CEP170: variants seen among roughly 807,000 people sequenced by gnomAD.
CEP170 encodes centrosomal protein 170.
Under a neutral mutation model 151.9 loss-of-function variants are expected in CEP170, and 21 were observed. The ratio of observed to expected loss-of-function variants is 0.14; its 90% confidence interval spans 0.10 to 0.20. The LOEUF (loss-of-function observed/expected upper bound fraction) is 0.20, where lower values mean the gene tolerates loss of function less well. CEP170 is among the 10% of genes least tolerant of loss of function. The pLI, the probability that CEP170 is intolerant of heterozygous loss-of-function variation, is 1.00. For missense variants in CEP170, 964 were observed against 1,892.9 expected (o/e 0.51, Z 9.11); for synonymous variants, 356 against 648.8 (o/e 0.55, Z 6.86).
chr1:243,128,984 C>A (rs1482689495), intron 18 of CEP170: 1 of 154,712 alleles, frequency 6.5e-6, no homozygotes, highest in Non-Finnish European at 1.4e-5. Context: ...ATATTCTGAG[C>A]AATGAAAATC....
chr1:243,191,281 A>G lies in CEP170; in HGVS notation c.845T>C (p.Ile282Thr). 6.2e-7 allele frequency: 1 copy of G among 1,612,414 alleles called. No individual in the cohort carries two copies. Among genetic ancestry groups the G allele is most frequent in the Non-Finnish European group, 8.5e-7 (1 of 1,179,270 alleles). Residue 282 changes from isoleucine to threonine, a missense_variant, in exon 8 of 20, where the codon ATT (isoleucine) becomes ACT (threonine). Ile to Thr is a moderately conservative substitution (Grantham distance 89). Transcript: ENST00000366542. ...ITGAGHASFT[I>T]EFDDSTPGKV... Reference sequence around the variant, plus strand: ...CCCTGGGGTACTGTCATCAAATTCAATGGTAAATGAAGCATGCCCTGCACC... The same window carrying G: ...CCCTGGGGTACTGTCATCAAATTCAGTGGTAAATGAAGCATGCCCTGCACC...
Position 243,174,955 on chromosome 1 carries a change from T to G in CEP170, c.1567-2109A>C, listed in dbSNP as rs535002404. On this transcript the variant is annotated intron_variant, in intron 10 of 19. Coordinates refer to ENST00000366542, the MANE Select transcript of CEP170 (RefSeq NM_014812.3). ...TCCAATTTTACTGAAGTTTATTTAC[T>G]TATTTTATAATTACTAACAAAAATC... The G allele has an allele frequency of 3.9e-5, 6 of 152,350 alleles. No homozygotes were observed. In the East Asian group the frequency reaches 1.2e-3, roughly 29 times the overall value. 9.4% of individuals were successfully genotyped at this position (152,350 alleles called of 1,614,324 possible). A position where few individuals can be genotyped will look rare whatever the true frequency, so the allele number is the denominator to read the frequency against.
At chr1:243,179,704 G>T (rs1359608153) in intron 10 of CEP170, among the ~76,000 whole-genome samples, 2 of 152,138 alleles carry the variant, frequency 1.3e-5, no homozygotes, top group Non-Finnish European at 2.9e-5. Flanking sequence ...GAAAAAGCAG[G>T]TCACAAATTT....
intron 7 of CEP170, among the ~76,000 whole-genome samples, chr1:243,192,240 T>G (rs2060350061): frequency 6.6e-6 from 1 of 152,068 alleles, no homozygotes; most frequent in Admixed American, 6.6e-5. Context: ...CAGCAGAATA[T>G]GCAAAAGTGT....
intron 4 of CEP170, among the ~76,000 whole-genome samples, chr1:243,202,189 A>G (rs2061088238): frequency 1.3e-5 from 2 of 152,200 alleles, no homozygotes; most frequent in South Asian, 4.1e-4. Flanking sequence ...TAAGTAAAGT[A>G]ACTCAGGAAT....
intron 10 of CEP170, among the ~76,000 whole-genome samples, chr1:243,183,472 T>C (rs2059759330): frequency 6.6e-6 from 1 of 152,146 alleles, no homozygotes. Context: ...TCTGCCTTCC[T>C]TCTGGCTGTT....
At chr1:243,203,590 CA>C (rs2061203465) in intron 4 of CEP170, among the ~76,000 whole-genome samples, 2 of 152,032 alleles carry the variant, frequency 1.3e-5, no homozygotes, top group Admixed American at 1.3e-4. Context: ...TTTCAAAAAT[CA>C]TGTCAGATAA....
At chr1:243,196,168 A>C (rs2060633453) in intron 7 of CEP170, among the ~76,000 whole-genome samples, 1 of 152,022 alleles carries the variant, frequency 6.6e-6, no homozygotes, top group Non-Finnish European at 1.5e-5. Flanking sequence ...TATTTGTTTA[A>C]ATCTTTGTAC....
chr1:243,172,512 A>G (rs1294471960), intron 11 of CEP170, among the ~76,000 whole-genome samples, 185 bp downstream of exon 11: 2 of 152,198 alleles, frequency 1.3e-5, no homozygotes, highest in Non-Finnish European at 2.9e-5. Flanking sequence ...CACGCCTGTA[A>G]TCACAGCTAC....
intron 3 of CEP170, among the ~76,000 whole-genome samples, chr1:243,216,285 C>A (rs1198251307): frequency 6.6e-6 from 1 of 152,000 alleles, no homozygotes; most frequent in Non-Finnish European, 1.5e-5. Flanking sequence ...ATGTGCCATG[C>A]TGGTGTGCTG....
intron 14 of CEP170, among the ~76,000 whole-genome samples, chr1:243,149,063 C>A (rs987144753): frequency 1.3e-4 from 20 of 152,122 alleles, no homozygotes; most frequent in African/African-American, 4.6e-4. Flanking sequence ...TACTTCTAGC[C>A]ATCAAAAGAG....
intron 3 of CEP170, chr1:243,221,497 A>AAGGCTTCTTTAGC (rs2062815113): frequency 2.1e-6 from 1 of 484,688 alleles, no homozygotes. Flanking sequence ...GCCATCACAG[A>AAGGCTTCTTTAGC]CAATGACAAC....
intron 10 of CEP170, among the ~76,000 whole-genome samples, chr1:243,177,982 GA>G (rs2059360535): frequency 6.6e-6 from 1 of 152,144 alleles, no homozygotes; most frequent in Admixed American, 6.5e-5. Flanking sequence ...TCTGTGGATG[GA>G]TGGATGAATA....
intron 1 of CEP170, among the ~76,000 whole-genome samples, chr1:243,243,537 T>TA (rs1226084005): frequency 4.1e-5 from 6 of 146,936 alleles, no homozygotes; most frequent in Admixed American, 1.4e-4. Flanking sequence ...TTTATTTATT[T>TA]TTTGGAGACA....
rs1487894701 is a variant in CEP170, at chr1:243,126,565, C to G, written c.4639G>C (p.Ala1547Pro). The change falls in exon 20 of 20, where the codon GCT becomes CCT. Residue 1547 changes from alanine (A) to proline (P), a missense_variant. Physicochemically the swap from Ala to Pro is conservative, Grantham distance 27. Coordinates refer to ENST00000366542, the MANE Select transcript of CEP170 (RefSeq NM_014812.3). ...GQPEARALHP[A>P]AVSAAAEFEN... ...AATTCAGCTGCGGCTGAAACAGCAG[C>G]AGGATGAAGAGCCCTAGCTTCTGGT... 3.8e-6 allele frequency: 6 copies of G among 1,576,930 alleles called. No individual in the cohort carries two copies. In the South Asian group the frequency reaches 5.8e-5, roughly 15 times the overall value.
intron 14 of CEP170, among the ~76,000 whole-genome samples, chr1:243,142,857 C>T (rs903435799): frequency 5.9e-5 from 9 of 152,112 alleles, no homozygotes; most frequent in East Asian, 1.9e-4. Flanking sequence ...CTCTAAGTGA[C>T]GCTTAGCATT....
chr1:243,216,527 T>C (rs2062315127), intron 3 of CEP170, among the ~76,000 whole-genome samples: 1 of 152,186 alleles, frequency 6.6e-6, no homozygotes, highest in Non-Finnish European at 1.5e-5. Context: ...TTGAGAAGAC[T>C]GCCCTTCCAT....
rs2148897850 is a variant in CEP170, at chr1:243,210,012, TAATAA to T, written c.274+1869_274+1873del. Among the ~76,000 whole-genome samples the T allele has an allele frequency of 1.3e-5, 2 of 152,284 alleles. 1 individual carries two copies. Among genetic ancestry groups the T allele is most frequent in the South Asian group, 4.1e-4 (2 of 4,832 alleles). On this transcript the variant is annotated intron_variant, in intron 4 of 19. Coordinates refer to ENST00000366542, the MANE Select transcript of CEP170 (RefSeq NM_014812.3). ...CTGGCTAACAGATGCTATTTTAAAATAATAAAATTATATGTGCCTCCTCTGGGCAT... is the reference window on the plus strand; with the variant it reads ...CTGGCTAACAGATGCTATTTTAAAATAATTATATGTGCCTCCTCTGGGCAT...
chr1:243,154,258 G>A (rs2057364091), intron 14 of CEP170, among the ~76,000 whole-genome samples: 1 of 152,280 alleles, frequency 6.6e-6, no homozygotes, highest in African/African-American at 2.4e-5. Context: ...TCAAATAAAA[G>A]TGTCTTTATC....
Sources: gnomAD v4.1 joint callset for allele counts (sites outside exome capture counted in the v4.1 genomes callset) on GRCh38, gnomAD v4.1.1 for gene constraint, MANE v1.5 for transcripts, NCBI Gene and HGNC (gene_info 2026-07-23, HGNC 2026-07-21) for gene names.